E2F2: variants seen among roughly 807,000 people sequenced by gnomAD.
E2F2 encodes transcription factor E2F2.
In E2F2, 22 loss-of-function variants were observed where a neutral mutation model predicts 42.2. The observed-to-expected ratio is 0.52, with a 90% CI of 0.37 to 0.74. E2F2 has a LOEUF of 0.74. E2F2 is among the 30% of genes least tolerant of loss of function. E2F2 has a pLI of 0.00. For missense variants in E2F2, 481 were observed against 557.8 expected, an observed-to-expected ratio of 0.86 and a Z score of 1.39; for synonymous variants, 248 against 251.6, an observed-to-expected ratio of 0.99 and a Z score of 0.13.
intron 6 of E2F2, among the ~76,000 whole-genome samples, chr1:23,510,387 G>A (rs1642887870): frequency 6.6e-6 from 1 of 152,032 alleles, no homozygotes; most frequent in Non-Finnish European, 1.5e-5. Context: ...GTGCAGTGTT[G>A]TGATCTTGGT....
In E2F2 at chr1:23,530,484, C is replaced by A; in HGVS notation, c.252+58G>T. ...TCAAACTGGATCTCAGGCACCCCTC[C>A]CTCCTTTCCCACACCTGGAAAAGCA... On this transcript the variant is annotated intron_variant, in intron 1 of 6. Coordinates refer to ENST00000361729, the MANE Select transcript of E2F2 (RefSeq NM_004091.4). This position sits in a 1 kb window ranked among gnomAD's most constrained non-coding sequence, Gnocchi z 4.4. The A allele has an allele frequency of 1.3e-6, 2 of 1,591,406 alleles. No individual in the cohort carries two copies. The highest frequency in any genetic ancestry group is 1.7e-6 in the Non-Finnish European group (2 of 1,170,022).
At chr1:23,522,558 C>A (rs1022583389) in intron 2 of E2F2, among the ~76,000 whole-genome samples, 1 of 143,200 alleles carries the variant, frequency 7.0e-6, no homozygotes, top group Non-Finnish European at 1.6e-5. Context: ...TTTTCCTTAA[C>A]CATTACCCTA....
At chr1:23,516,627 C>T in intron 5 of E2F2, 100 bp from the exon 6 acceptor site, 1 of 957,562 alleles carries the variant, frequency 1.0e-6, no homozygotes, top group South Asian at 1.8e-5. Context: ...TCCATGGGTG[C>T]AAGCTCAAAC....
chr1:23,513,042 G>T (rs569301565), intron 6 of E2F2, among the ~76,000 whole-genome samples: 1 of 151,802 alleles, frequency 6.6e-6, no homozygotes, highest in African/African-American at 2.4e-5. Flanking sequence ...GGAACTTCTG[G>T]CCTCAAGTGA....
chr1:23,521,040 G>A lies in E2F2; in HGVS notation c.610C>T (p.Pro204Ser), dbSNP rs771452905. The change falls in exon 4 of 7, where the codon CCT becomes TCT. Residue 204 changes from proline to serine, a missense_variant. Pro to Ser is a moderately conservative substitution (Grantham distance 74, BLOSUM62 -1). Coordinates refer to ENST00000361729, the MANE Select transcript of E2F2 (RefSeq NM_004091.4). ...TGCCCCAGCTGTTGCTGCTTCCCAGGTCTGGTGGGGTCTTCAAACATTCCC... is the reference window on the plus strand; with the variant it reads ...TGCCCCAGCTGTTGCTGCTTCCCAGATCTGGTGGGGTCTTCAAACATTCCC... ...GRGMFEDPTR[P>S]GKQQQLGQEL... 1 of 1,613,194 alleles carries A rather than the reference G, an allele frequency of 6.2e-7. No individual in the cohort carries two copies. The highest frequency in any genetic ancestry group is 8.5e-7 in the Non-Finnish European group (1 of 1,179,568).
chr1:23,515,166 T>C (rs990178503), intron 6 of E2F2, among the ~76,000 whole-genome samples: 3 of 152,250 alleles, frequency 2.0e-5, no homozygotes, highest in Non-Finnish European at 4.4e-5. Flanking sequence ...AGTGGAACAC[T>C]GGCCTACATA....
At chr1:23,512,876 A>T (rs944775844) in intron 6 of E2F2, among the ~76,000 whole-genome samples, 2 of 150,856 alleles carry the variant, frequency 1.3e-5, no homozygotes, top group Non-Finnish European at 2.9e-5. Flanking sequence ...GCAGTGGTGT[A>T]ATCTCAGCTC....
rs369248396 is a variant in E2F2, at chr1:23,524,373, C to CA, written c.358+9dup. 1.2e-6 allele frequency: 2 copies of CA among 1,603,318 alleles called. No individual in the cohort carries two copies. The highest frequency in any genetic ancestry group is 2.7e-5 in the African/African-American group (2 of 74,612). On this transcript the variant is annotated intron_variant, in intron 2 of 6. Coordinates refer to ENST00000361729, the MANE Select transcript of E2F2 (RefSeq NM_004091.4). ...CACCCCACCCCAGAGGCCCCATCAG[C>CA]ACTGCTTACTTTTGGGGCTGGGGAG... is the stretch of plus-strand genomic sequence containing the variant.
In E2F2 at chr1:23,516,519, C is replaced by T; in HGVS notation, c.861G>A (p.Leu287=). The T allele has an allele frequency of 2.5e-6, 4 of 1,604,146 alleles. No individual in the cohort carries two copies. Among genetic ancestry groups the T allele is most frequent in the Non-Finnish European group, 3.4e-6 (4 of 1,175,776 alleles). The part of the protein sequence containing the change: ...LEVPDRTEDN[L]QIYLKSTQGP... ...CTTGGGTGCTCTTGAGATATATCTG[C>T]AGGTTGTCCTGGAGGAGGAAGAGAA... The change falls in exon 6 of 7, where the codon CTG becomes CTA. Residue 287 remains leucine, a synonymous_variant. Transcript: ENST00000361729.
Position 23,509,907 on chromosome 1 carries a change from G to A in E2F2, c.1287C>T (p.Tyr429=), listed in dbSNP as rs146034018. Residue 429 remains tyrosine, a synonymous_variant, in exon 7 of 7, where the codon TAC becomes TAT. Transcript: ENST00000361729. ...GEGISDLFDS[Y]DLGDLLIN ...AATTAATCAACAGGTCCCCAAGGTC[G>A]TAGGAGTCGAAGAGATCGCTGATGC... The A allele has an allele frequency of 7.6e-6, 12 of 1,575,580 alleles. No individual in the cohort carries two copies. Among genetic ancestry groups the A allele is most frequent in the South Asian group, 2.3e-5 (2 of 85,310 alleles).
rs1364886639 is a variant in E2F2, at chr1:23,530,598, T to C, written c.196A>G (p.Thr66Ala). The change falls in exon 1 of 7, where the codon ACT becomes GCT. Residue 66 changes from threonine to alanine, a missense_variant. By Grantham distance (58) the Thr-to-Ala change is moderately conservative. Coordinates refer to ENST00000361729, the MANE Select transcript of E2F2 (RefSeq NM_004091.4). The surrounding 1 kb of genome is among the most constrained non-coding windows in gnomAD (Gnocchi z 4.4). ...ACTTGGCCCTCGGGTCCGTGGGGAG[T>C]GGCGTCGAGGCAGGTGCCTGGCGCC... ...AAAPGTCLDA[T>A]PHGPEGQVVR... 4 of 1,612,484 alleles carry C rather than the reference T, an allele frequency of 2.5e-6. No homozygotes were observed. The East Asian group carries it at 6.7e-5, about 27-fold the overall frequency.
At chr1:23,518,735 C>T (rs112662006) in intron 5 of E2F2, among the ~76,000 whole-genome samples, 19 of 152,220 alleles carry the variant, frequency 1.2e-4, no homozygotes, top group African/African-American at 4.1e-4. Flanking sequence ...CACCGTCATA[C>T]GTGGGCATGA....
Position 23,516,387 on chromosome 1 carries a change from G to A in E2F2, c.993C>T (p.Ala331=), listed in dbSNP as rs546937663. The A allele has an allele frequency of 6.3e-7, 1 of 1,592,052 alleles. No homozygotes were observed. Among genetic ancestry groups the A allele is most frequent in the Non-Finnish European group, 8.5e-7 (1 of 1,170,884 alleles). The change falls in exon 6 of 7, where the codon GCC becomes GCT. Residue 331 remains alanine, a synonymous_variant. Coordinates refer to ENST00000361729, the MANE Select transcript of E2F2 (RefSeq NM_004091.4). ...TAGGGTCGGTGCTGCTGCTGGGCTG[G>A]GCAGAGTCAGGGCTGGGGCAGAGGG... is the stretch of plus-strand genomic sequence containing the variant. ...TSTLCPSPDS[A]QPSSSTDPSI...
downstream of E2F2, among the ~76,000 whole-genome samples, chr1:23,505,957 G>A (rs900694558): frequency 1.3e-5 from 2 of 152,238 alleles, no homozygotes; most frequent in South Asian, 4.1e-4. Context: ...CACCAAGCCC[G>A]GCTAATTTTT....
At chr1:23,519,296 C>T in intron 4 of E2F2, 166 bp from the exon 5 acceptor site, 1 of 447,584 alleles carries the variant, frequency 2.2e-6, no homozygotes, top group Non-Finnish European at 4.0e-6. Context: ...TCATAAGCTA[C>T]CTTAGATCCC....
chr1:23,510,365 ACCCAGG>A (rs1306089626), intron 6 of E2F2, among the ~76,000 whole-genome samples: 1 of 151,838 alleles, frequency 6.6e-6, no homozygotes, highest in Non-Finnish European at 1.5e-5. Context: ...TCACTCTATC[ACCCAGG>A]CTAGAGTGCA....
chr1:23,524,348 C>CT lies in E2F2; in HGVS notation c.358+34_358+35insA, dbSNP rs748333311. 14 of 1,523,068 alleles carry CT rather than the reference C, an allele frequency of 9.2e-6. No homozygotes were observed. The African/African-American group carries it at 1.8e-4, about 20-fold the overall frequency. The allele number at this position is 1,523,068 out of a possible 1,614,324, so 94.3% of individuals were successfully genotyped here. A position where few individuals can be genotyped will look rare whatever the true frequency, so the allele number is the denominator to read the frequency against. The stretch of plus-strand genomic sequence containing the variant: ...AGGGCACTGCCCTCTGCCCCTGCCC[C>CT]ACCCCACCCCAGAGGCCCCATCAGC... On this transcript the variant is annotated intron_variant, in intron 2 of 6. Transcript: ENST00000361729.
At position 23,524,394 on chromosome 1, in the gene E2F2, G is replaced by A. The variant is rs1161049106; in HGVS notation, c.347C>T (p.Pro116Leu). Residue 116 changes from proline (P) to leucine (L), a missense_variant, in exon 2 of 7, where the codon CCC becomes CTC. Physicochemically the swap from Pro to Leu is moderately conservative, Grantham distance 98. Coordinates refer to ENST00000361729, the MANE Select transcript of E2F2 (RefSeq NM_004091.4). Reference sequence around the variant, plus strand: ...TCAGCACTGCTTACTTTTGGGGCTGGGGAGGCCATCCACTCTGATGCACTT... The same window carrying A: ...TCAGCACTGCTTACTTTTGGGGCTGAGGAGGCCATCCACTCTGATGCACTT... ...KGKCIRVDGL[P>L]SPKTPKSPGE... 6.2e-7 allele frequency: 1 copy of A among 1,611,624 alleles called. No individual in the cohort carries two copies. Among genetic ancestry groups the A allele is most frequent in the South Asian group, 1.1e-5 (1 of 90,646 alleles).
chr1:23,527,331 T>C (rs1310102854), intron 1 of E2F2, among the ~76,000 whole-genome samples: 1 of 152,172 alleles, frequency 6.6e-6, no homozygotes, highest in East Asian at 1.9e-4. Flanking sequence ...GAAAAGAGAC[T>C]GCGATGAGGG....
Sources: gnomAD v4.1 joint callset for allele counts (sites outside exome capture counted in the v4.1 genomes callset) on GRCh38, gnomAD v4.1.1 for gene constraint, Gnocchi (gnomAD v3.1) non-coding constraint, MANE v1.5 for transcripts, NCBI Gene and HGNC (gene_info 2026-07-23, HGNC 2026-07-21) for gene names.